The following PRDM16 variants were observed in gnomAD, a reference collection of about 807,000 sequenced individuals.
PRDM16 encodes the protein histone-lysine N-methyltransferase PRDM16.
PRDM16 carries 23 observed loss-of-function variants against 110.6 expected under a neutral mutation model. That is an observed-to-expected ratio of 0.21 (90% CI 0.15 to 0.29). PRDM16 has a LOEUF of 0.29. PRDM16 is among the 10% of genes least tolerant of loss of function. The pLI is 1.00. For missense variants in PRDM16, 1,615 were observed against 1,794.3 expected (o/e 0.90, Z 1.81); for synonymous variants, 799 against 781.8 (o/e 1.02, Z -0.37).
At chr1:3,100,646 G>GC (rs950532228) in intron 1 of PRDM16, among the ~76,000 whole-genome samples, 8 of 152,292 alleles carry the variant, frequency 5.3e-5, no homozygotes, top group African/African-American at 4.8e-5. Context: ...GCCGCCTGGA[G>GC]CCCCCCATGT....
chr1:3,177,632 C>T (rs1644105013), intron 1 of PRDM16, among the ~76,000 whole-genome samples: 1 of 152,198 alleles, frequency 6.6e-6, no homozygotes, highest in South Asian at 2.1e-4. Flanking sequence ...GAGAGCGAGC[C>T]AACGTCAGTG....
intron 1 of PRDM16, among the ~76,000 whole-genome samples, chr1:3,072,706 C>G (rs1039265692): frequency 2.0e-5 from 3 of 152,238 alleles, no homozygotes; most frequent in Non-Finnish European, 4.4e-5. Flanking sequence ...AGAGCCAGGA[C>G]GGCAGCCTTC....
At chr1:3,327,492 A>G (rs760689105) in intron 3 of PRDM16, among the ~76,000 whole-genome samples, 2 of 152,136 alleles carry the variant, frequency 1.3e-5, no homozygotes, top group African/African-American at 2.4e-5. Context: ...AGGACCAACA[A>G]CGGCGGCGGC....
chr1:3,410,148 G>T (rs148678392), intron 8 of PRDM16, among the ~76,000 whole-genome samples: 2 of 151,780 alleles, frequency 1.3e-5, no homozygotes, highest in Admixed American at 1.3e-4. Flanking sequence ...TGTGGTGTGT[G>T]GTTGTGTGTG....
chr1:3,258,603 T>C (rs2100242859), intron 3 of PRDM16, among the ~76,000 whole-genome samples: 1 of 152,364 alleles, frequency 6.6e-6, no homozygotes, highest in East Asian at 1.9e-4. Flanking sequence ...CCTCTGTTAT[T>C]TCTGAGCAAC....
At chr1:3,114,159 A>ACACACG (rs1359109752) in intron 1 of PRDM16, among the ~76,000 whole-genome samples, 1 of 112,566 alleles carries the variant, frequency 8.9e-6, no homozygotes, top group Admixed American at 9.2e-5. Context: ...ACACGCACAC[A>ACACACG]CACACGCACA....
At chr1:3,215,581 G>A (rs1192696570) in intron 2 of PRDM16, among the ~76,000 whole-genome samples, 2 of 152,190 alleles carry the variant, frequency 1.3e-5, no homozygotes, top group African/African-American at 4.8e-5. Context: ...CCTCCACCGA[G>A]CGGACCAACC....
intron 2 of PRDM16, among the ~76,000 whole-genome samples, chr1:3,227,370 C>T (rs1422676936): frequency 6.6e-6 from 1 of 152,278 alleles, no homozygotes; most frequent in Admixed American, 6.5e-5. Flanking sequence ...TGTCCCGAGG[C>T]CACAGGCTTT....
At position 3,270,846 on chromosome 1, in the gene PRDM16, T is replaced by G. The variant is rs191320509; in HGVS notation, c.438+26709T>G. Among the ~76,000 whole-genome samples, 584 of 146,942 alleles carry G rather than the reference T, an allele frequency of 4.0e-3. 4 individuals carry two copies. Among genetic ancestry groups the G allele is most frequent in the African/African-American group, 0.014 (558 of 39,476 alleles). On this transcript the variant is annotated intron_variant, in intron 3 of 16. Transcript: ENST00000270722. Reference sequence around the variant, plus strand: ...AGGAAAGTCGGGAGGAGTACAATCCTGGAGGAGGACAGTGGGGAGGAGGAC... The same window carrying G: ...AGGAAAGTCGGGAGGAGTACAATCCGGGAGGAGGACAGTGGGGAGGAGGAC...
At chr1:3,272,447 G>A (rs896200113) in intron 3 of PRDM16, among the ~76,000 whole-genome samples, 6 of 152,268 alleles carry the variant, frequency 3.9e-5, no homozygotes, top group African/African-American at 9.6e-5. Flanking sequence ...ACTCTGTCCT[G>A]GGCACGGCGG....
In PRDM16 at chr1:3,247,568, C is replaced by T. The variant is rs1210012214; in HGVS notation, c.438+3431C>T. On this transcript the variant is annotated intron_variant, in intron 3 of 16. Coordinates refer to ENST00000270722, the MANE Select transcript of PRDM16 (RefSeq NM_022114.4). ...CCAGGCGCAGGGGACGGTCCTCCTC[C>T]GTCCTTCCTGCGCCCCTTCAGCTTC... 3.9e-5 allele frequency among the ~76,000 whole-genome samples: 6 copies of T among 152,332 alleles called. No individual in the cohort carries two copies. The South Asian group carries it at 1.2e-3, about 32-fold the overall frequency.
chr1:3,395,922 A>T lies in PRDM16; in HGVS notation c.574-569A>T, dbSNP rs376921948. On this transcript the variant is annotated intron_variant, in intron 4 of 16. Coordinates refer to ENST00000270722, the MANE Select transcript of PRDM16 (RefSeq NM_022114.4). ...CCAGACTCCCGCCTGTGGGGTCAGC[A>T]GCAAGGCGCCAAGCTGACAGTGGGC... Among the ~76,000 whole-genome samples, 4 of 152,186 alleles carry T rather than the reference A, an allele frequency of 2.6e-5. No individual in the cohort carries two copies. The East Asian group carries it at 7.7e-4, about 29-fold the overall frequency.
intron 3 of PRDM16, among the ~76,000 whole-genome samples, chr1:3,276,308 T>C (rs2500303): frequency 0.29 from 44,095 of 151,986 alleles, 10,258 homozygotes; most frequent in African/African-American, 0.63. Context: ...GCGGTGGGAG[T>C]CCTGGTCTCA....
At chr1:3,196,223 C>T (rs539968872) in intron 2 of PRDM16, among the ~76,000 whole-genome samples, 1 of 152,216 alleles carries the variant, frequency 6.6e-6, no homozygotes, top group Non-Finnish European at 1.5e-5. Flanking sequence ...GTAGGTGGGG[C>T]AGTCTCAACT....
In PRDM16 at chr1:3,201,237, C is replaced by T. The variant is rs769918420; in HGVS notation, c.387+14763C>T. 1.3e-5 allele frequency among the ~76,000 whole-genome samples: 2 copies of T among 152,108 alleles called. No individual in the cohort carries two copies. Among genetic ancestry groups the T allele is most frequent in the African/African-American group, 2.4e-5 (1 of 41,412 alleles). On this transcript the variant is annotated intron_variant, in intron 2 of 16. Transcript: ENST00000270722. The surrounding 1 kb of genome is among the most constrained non-coding windows in gnomAD (Gnocchi z 4.1). The stretch of plus-strand genomic sequence containing the variant: ...AACTCCATTCATATGATCATAGGAG[C>T]TGGGGGGCTGGAGACAAATGTATTT...
chr1:3,286,584 C>T (rs1640848995), intron 3 of PRDM16, among the ~76,000 whole-genome samples: 1 of 152,168 alleles, frequency 6.6e-6, no homozygotes, highest in Non-Finnish European at 1.5e-5. Context: ...GACATGGACC[C>T]CCAGAGAAAG....
chr1:3,268,201 C>T (rs1233700615), intron 3 of PRDM16, among the ~76,000 whole-genome samples: 5 of 152,214 alleles, frequency 3.3e-5, no homozygotes, highest in African/African-American at 9.6e-5. Flanking sequence ...CAGTCGCCCC[C>T]GGCTCGGCGC....
At chr1:3,088,886 G>A (rs1160912245) in intron 1 of PRDM16, among the ~76,000 whole-genome samples, 2 of 151,654 alleles carry the variant, frequency 1.3e-5, no homozygotes, top group South Asian at 4.2e-4. Context: ...GGGTTCAAGC[G>A]ATTCTTCTGC....
At chr1:3,267,056 C>A (rs1008724257) in intron 3 of PRDM16, among the ~76,000 whole-genome samples, 1 of 152,158 alleles carries the variant, frequency 6.6e-6, no homozygotes, top group Non-Finnish European at 1.5e-5. Flanking sequence ...ACTAATTATT[C>A]TAAAATGGAC....
Sources: allele counts gnomAD v4.1 joint callset (sites outside exome capture counted in the v4.1 genomes callset), GRCh38; gene constraint gnomAD v4.1.1; non-coding constraint Gnocchi (gnomAD v3.1); transcripts MANE v1.5; gene names NCBI Gene and HGNC (gene_info 2026-07-23, HGNC 2026-07-21).